SNTB1: variants seen among roughly 807,000 people sequenced by gnomAD.
SNTB1 encodes the protein beta-1-syntrophin.
Under a neutral mutation model 48.9 loss-of-function variants are expected in SNTB1, and 36 were observed. The ratio of observed to expected loss-of-function variants is 0.74; its 90% CI spans 0.56 to 0.97. SNTB1 has a LOEUF of 0.97. SNTB1 is among the 50% of genes least tolerant of loss of function. SNTB1 has a pLI of 0.00. For synonymous variants in SNTB1, 299 were observed against 294.6 expected (o/e 1.01, Z -0.15); for missense variants, 786 against 703.4 (o/e 1.12, Z -1.33).
At chr8:120,680,417 A>C (rs189326025) in intron 2 of SNTB1, among the ~76,000 whole-genome samples, 165 of 152,354 alleles carry the variant, frequency 1.1e-3, no homozygotes, top group Non-Finnish European at 1.8e-3. Flanking sequence ...ACACACTAGC[A>C]ATGTCAAAAT....
chr8:120,756,843 C>T (rs1217819836), intron 1 of SNTB1, among the ~76,000 whole-genome samples: 1 of 152,130 alleles, frequency 6.6e-6, no homozygotes, highest in African/African-American at 2.4e-5. Context: ...CTGGGATTGA[C>T]ATCTGAGGCT....
intron 1 of SNTB1, among the ~76,000 whole-genome samples, chr8:120,795,772 C>T (rs1226752058): frequency 6.6e-6 from 1 of 151,956 alleles, no homozygotes; most frequent in East Asian, 1.9e-4. Flanking sequence ...GGAGACTCTT[C>T]TGTGCCTTGC....
chr8:120,734,134 TC>T (rs1818898535), intron 1 of SNTB1, among the ~76,000 whole-genome samples: 1 of 152,158 alleles, frequency 6.6e-6, no homozygotes, highest in Non-Finnish European at 1.5e-5. Context: ...CCGAAGAAGT[TC>T]CTGCCTGTCA....
chr8:120,707,217 G>C (rs2129907318), intron 1 of SNTB1, among the ~76,000 whole-genome samples: 1 of 152,200 alleles, frequency 6.6e-6, no homozygotes, highest in Admixed American at 6.5e-5. Context: ...ATGACCCAGA[G>C]AGTGAAAGCC....
chr8:120,609,920 T>G (rs1465607976), intron 3 of SNTB1, among the ~76,000 whole-genome samples: 1 of 152,160 alleles, frequency 6.6e-6, no homozygotes, highest in Non-Finnish European at 1.5e-5. Context: ...CATGAAAAGG[T>G]GCGCATGCAA....
chr8:120,619,237 A>C (rs577453931), intron 3 of SNTB1, among the ~76,000 whole-genome samples: 2 of 152,222 alleles, frequency 1.3e-5, no homozygotes, highest in South Asian at 4.1e-4. Context: ...TATAATTTAC[A>C]GTTCATTAAA....
intron 2 of SNTB1, among the ~76,000 whole-genome samples, chr8:120,634,173 C>T (rs549122154): frequency 2.0e-5 from 3 of 152,038 alleles, no homozygotes; most frequent in Non-Finnish European, 2.9e-5. Context: ...TATTCATTCA[C>T]GTATATATGC....
chr8:120,729,763 G>A (rs528237574), intron 1 of SNTB1, among the ~76,000 whole-genome samples: 229 of 152,336 alleles, frequency 1.5e-3, no homozygotes, highest in Non-Finnish European at 2.6e-3. Context: ...GCAGAAGAAG[G>A]ACTATGCCTA....
intron 2 of SNTB1, among the ~76,000 whole-genome samples, chr8:120,686,632 G>A (rs932482672): frequency 4.5e-4 from 69 of 152,168 alleles, no homozygotes; most frequent in African/African-American, 1.6e-3. Context: ...TAGCAAAGAA[G>A]GAACCTGAAA....
intron 2 of SNTB1, among the ~76,000 whole-genome samples, chr8:120,674,160 C>A (rs1817799577): frequency 6.6e-6 from 1 of 152,154 alleles, no homozygotes; most frequent in Admixed American, 6.5e-5. Context: ...TGAAGAAATT[C>A]TAAACATCTG....
At chr8:120,649,478 C>T (rs1253619681) in intron 2 of SNTB1, among the ~76,000 whole-genome samples, 20 of 140,526 alleles carry the variant, frequency 1.4e-4, no homozygotes, top group African/African-American at 3.7e-4. Context: ...TTAGGCTGCT[C>T]GGGGGTCAGG....
chr8:120,571,896 T>C (rs1221968810), intron 4 of SNTB1, among the ~76,000 whole-genome samples: 1 of 152,152 alleles, frequency 6.6e-6, no homozygotes, highest in Non-Finnish European at 1.5e-5. Flanking sequence ...AAATTACTTT[T>C]AAATTTTATT....
At chr8:120,554,426 G>T (rs1815531350) in intron 4 of SNTB1, among the ~76,000 whole-genome samples, 1 of 152,246 alleles carries the variant, frequency 6.6e-6, no homozygotes, top group East Asian at 1.9e-4. Flanking sequence ...TCATCCAGAC[G>T]TAGGACAATG....
chr8:120,637,101 G>A (rs1817093085), intron 2 of SNTB1: 1 of 368,020 alleles, frequency 2.7e-6, no homozygotes, highest in South Asian at 3.0e-5. Context: ...ATTGGCCAGT[G>A]TTTGCAGGCT....
intron 1 of SNTB1, among the ~76,000 whole-genome samples, chr8:120,788,664 A>G (rs1390700912): frequency 6.6e-6 from 1 of 151,990 alleles, no homozygotes; most frequent in Non-Finnish European, 1.5e-5. Flanking sequence ...ACATAATGAT[A>G]AAATGATCAA....
At chr8:120,633,092 C>T (rs1817010262) in intron 2 of SNTB1, among the ~76,000 whole-genome samples, 1 of 152,188 alleles carries the variant, frequency 6.6e-6, no homozygotes, top group South Asian at 2.1e-4. Context: ...CTTAATCCTG[C>T]TGCTCAGTGT....
At chr8:120,705,449 G>C (rs567463477) in intron 1 of SNTB1, among the ~76,000 whole-genome samples, 1 of 152,322 alleles carries the variant, frequency 6.6e-6, no homozygotes, top group South Asian at 2.1e-4. Context: ...ACTTCACTTT[G>C]TGTATGTCTG....
chr8:120,654,018 A>C (rs984671231), intron 2 of SNTB1, among the ~76,000 whole-genome samples: 8 of 123,684 alleles, frequency 6.5e-5, no homozygotes, highest in Non-Finnish European at 1.3e-4. Context: ...CCAGCCTGGG[A>C]GACAGAGCGA....
chr8:120,786,611 C>T (rs1252619756), intron 1 of SNTB1, among the ~76,000 whole-genome samples: 1 of 152,018 alleles, frequency 6.6e-6, no homozygotes, highest in African/African-American at 2.4e-5. Flanking sequence ...GTCACAATCC[C>T]TCCCTACACA....
Sources: allele counts gnomAD v4.1 joint callset (sites outside exome capture counted in the v4.1 genomes callset), GRCh38; gene constraint gnomAD v4.1.1; transcripts MANE v1.5; gene names NCBI Gene and HGNC (gene_info 2026-07-23, HGNC 2026-07-21).